RBMS3: variants seen among roughly 807,000 people sequenced by gnomAD.
RBMS3 encodes RNA binding motif single stranded interacting protein 3.
A neutral mutation model predicts 66.8 loss-of-function variants in RBMS3; 27 were observed. The ratio of observed to expected loss-of-function variants is 0.40; its 90% CI spans 0.30 to 0.56. RBMS3 has a LOEUF of 0.56. RBMS3 is among the 20% of genes least tolerant of loss of function. The pLI, the probability that RBMS3 is intolerant of heterozygous loss-of-function variation, is 0.40. For missense variants in RBMS3, 513 were observed against 549.5 expected, an observed-to-expected ratio of 0.93 and a Z score of 0.66; for synonymous variants, 188 against 183.0, an observed-to-expected ratio of 1.03 and a Z score of -0.22.
At chr3:29,555,026 C>CT (rs1226921264) in intron 3 of RBMS3, among the ~76,000 whole-genome samples, 1 of 152,132 alleles carries the variant, frequency 6.6e-6, no homozygotes, top group Non-Finnish European at 1.5e-5. Context: ...TTAACTTATT[C>CT]TTTTATTTTT....
chr3:29,993,540 A>T (rs563414502), intron 14 of RBMS3, among the ~76,000 whole-genome samples: 2 of 152,214 alleles, frequency 1.3e-5, no homozygotes, highest in African/African-American at 4.8e-5. Flanking sequence ...CAGTTAAAGC[A>T]GATTCCACCC....
At position 29,991,115 on chromosome 3, in the gene RBMS3, G is replaced by A. The variant is rs1698845961; in HGVS notation, c.1213G>A (p.Ala405Thr). The A allele has an allele frequency of 1.2e-6, 2 of 1,613,946 alleles. No homozygotes were observed. The highest frequency in any genetic ancestry group is 1.7e-5 in the Admixed American group (1 of 59,990). ...VVADTSPQTV[A>T]PSSQDTSGQQ... ...TGCTGATACCTCTCCCCAGACAGTG[G>A]CACCTTCATCCCAGGACACCAGTGG... Residue 405 changes from alanine (A) to threonine (T), a missense_variant, in exon 14 of 15, where the codon GCA becomes ACA. Transcript: ENST00000383767.
intron 10 of RBMS3, among the ~76,000 whole-genome samples, chr3:29,900,012 G>A (rs1336859782): frequency 6.6e-6 from 1 of 151,536 alleles, no homozygotes; most frequent in Non-Finnish European, 1.5e-5. Context: ...GAGAGTGCCT[G>A]GAAACTTTAT....
intron 4 of RBMS3, chr3:29,698,527 TGG>T: frequency 1.0e-6 from 1 of 985,376 alleles, no homozygotes; most frequent in Non-Finnish European, 1.2e-6. Flanking sequence ...TTATGGATGG[TGG>T]GTCAAGATGG....
rs919655514 is a variant in RBMS3 at position 30,004,833 on chromosome 3, A to G, written c.*971A>G. 6.6e-6 allele frequency: 1 copy of G among 151,922 alleles called. No homozygotes were observed. Among genetic ancestry groups the G allele is most frequent in the Non-Finnish European group, 1.5e-5 (1 of 67,706 alleles). 9.4% of individuals were successfully genotyped at this position (151,922 alleles called of 1,614,324 possible). ...ATCTGCAGTCTTTTTTATGAGCTTT[A>G]CAAAGTTTTTAGTCAGCTTTGCTTG... On this transcript the variant is annotated 3_prime_UTR_variant, in exon 15 of 15. Coordinates refer to ENST00000383767, the MANE Select transcript of RBMS3 (RefSeq NM_001003793.3).
chr3:29,987,862 A>ATCTT (rs1176223381), intron 12 of RBMS3, among the ~76,000 whole-genome samples: 1 of 152,180 alleles, frequency 6.6e-6, no homozygotes, highest in Non-Finnish European at 1.5e-5. Context: ...AATGTTTGAG[A>ATCTT]TCTTATTTAG....
chr3:29,299,362 T>A (rs1383321085), intron 1 of RBMS3, among the ~76,000 whole-genome samples: 1 of 151,876 alleles, frequency 6.6e-6, no homozygotes, highest in African/African-American at 2.4e-5. Context: ...GAGAAAAAGT[T>A]AATAGTGGTT....
intron 1 of RBMS3, among the ~76,000 whole-genome samples, chr3:29,316,599 C>A (rs868758554): frequency 1.3e-5 from 2 of 151,640 alleles, no homozygotes; most frequent in South Asian, 4.2e-4. Flanking sequence ...GATACCTAAA[C>A]AAATGAGTTT....
chr3:29,801,571 C>T (rs1251242294), intron 6 of RBMS3, among the ~76,000 whole-genome samples: 1 of 151,822 alleles, frequency 6.6e-6, no homozygotes, highest in African/African-American at 2.4e-5. Context: ...CAGAATCATT[C>T]CTCTTAATCT....
At chr3:29,961,239 C>T in intron 12 of RBMS3, among the ~76,000 whole-genome samples, 1 of 152,160 alleles carries the variant, frequency 6.6e-6, no homozygotes, top group African/African-American at 2.4e-5. Context: ...GCAAGAGTCA[C>T]CTTTGTTCTA....
chr3:29,616,205 G>C (rs941539197), intron 4 of RBMS3: 3 of 152,244 alleles, frequency 2.0e-5, no homozygotes, highest in East Asian at 3.9e-4. Context: ...TTTACAAATT[G>C]CCCGGGCGGG....
intron 4 of RBMS3, among the ~76,000 whole-genome samples, chr3:29,675,232 G>T (rs1040652122): frequency 4.6e-5 from 7 of 152,266 alleles, no homozygotes; most frequent in Admixed American, 3.3e-4. Flanking sequence ...TATGTAGAAA[G>T]CTGAAACTGG....
intron 4 of RBMS3, among the ~76,000 whole-genome samples, chr3:29,680,743 T>C (rs2051452498): frequency 6.6e-6 from 1 of 152,140 alleles, no homozygotes; most frequent in African/African-American, 2.4e-5. Context: ...TCATTCATCC[T>C]ATTTTTTTCA....
intron 4 of RBMS3, among the ~76,000 whole-genome samples, chr3:29,623,750 A>G (rs1294906307): frequency 1.3e-5 from 2 of 152,196 alleles, no homozygotes; most frequent in African/African-American, 4.8e-5. Flanking sequence ...GAGGAAAAAA[A>G]TCCCAAATGC....
At chr3:29,855,989 G>A (rs1206474613) in intron 6 of RBMS3, among the ~76,000 whole-genome samples, 1 of 152,140 alleles carries the variant, frequency 6.6e-6, no homozygotes, top group Non-Finnish European at 1.5e-5. Context: ...AAATGAGTGA[G>A]CTGAGGTGTT....
At chr3:29,496,559 G>T (rs1363686947) in intron 3 of RBMS3, among the ~76,000 whole-genome samples, 1 of 152,104 alleles carries the variant, frequency 6.6e-6, no homozygotes, top group African/African-American at 2.4e-5. Flanking sequence ...TTGTCTTACA[G>T]CCAAGTTCGG....
intron 4 of RBMS3, chr3:29,698,719 C>A: frequency 4.9e-6 from 3 of 607,466 alleles, no homozygotes; most frequent in Non-Finnish European, 6.2e-6. Flanking sequence ...CTATGCTATT[C>A]TTAATGTTTA....
At chr3:29,483,274 A>C (rs1350636892) in intron 2 of RBMS3, among the ~76,000 whole-genome samples, 6 of 146,412 alleles carry the variant, frequency 4.1e-5, no homozygotes, top group African/African-American at 1.5e-4. Context: ...GCGTCACTGC[A>C]CTCCAGCCTG....
At chr3:29,968,510 A>G (rs1354807582) in intron 12 of RBMS3, among the ~76,000 whole-genome samples, 1 of 152,184 alleles carries the variant, frequency 6.6e-6, no homozygotes, top group Non-Finnish European at 1.5e-5. Flanking sequence ...GTGAGCTCCC[A>G]GGGCCTTTCT....
Sources: gnomAD v4.1 joint callset for allele counts (sites outside exome capture counted in the v4.1 genomes callset) on GRCh38, gnomAD v4.1.1 for gene constraint, MANE v1.5 for transcripts, NCBI Gene and HGNC (gene_info 2026-07-23, HGNC 2026-07-21) for gene names.